Variants in HOXA11 observed in about 807,000 individuals in gnomAD.
The protein encoded by HOXA11 is homeobox protein Hox-A11.
In HOXA11, 8 loss-of-function variants were observed where a neutral mutation model predicts 22.5. The observed-to-expected ratio is 0.36, with a 90% CI of 0.21 to 0.64. The LOEUF is 0.64. Among genes scored for constraint, HOXA11 ranks in the 30% least tolerant of loss-of-function variants. HOXA11 has a pLI of 0.67. For synonymous variants in HOXA11, 211 were observed against 188.4 expected, an observed-to-expected ratio of 1.12 and a Z score of -0.98; for missense variants, 388 against 429.0, an observed-to-expected ratio of 0.90 and a Z score of 0.84.
chr7:27,184,393 A>G, intron 1 of HOXA11, 43 bp downstream of exon 1: 1 of 1,560,132 alleles, frequency 6.4e-7, no homozygotes, highest in East Asian at 2.4e-5. Flanking sequence ...CTAGATTTCC[A>G]ACTCCCCTTT....
chr7:27,184,524 T>G lies in HOXA11; in HGVS notation c.621A>C (p.Ala207=), dbSNP rs751863736. 6.6e-7 allele frequency: 1 copy of G among 1,510,834 alleles called. No homozygotes were observed. Among genetic ancestry groups the G allele is most frequent in the South Asian group, 1.2e-5 (1 of 80,472 alleles). The allele number at this position is 1,510,834 out of a possible 1,614,324, so 93.6% of individuals were successfully genotyped here. Residue 207 remains alanine (A), a synonymous_variant, in exon 1 of 2, where the codon GCA becomes GCC. Coordinates refer to ENST00000006015, the MANE Select transcript of HOXA11 (RefSeq NM_005523.6). ...GGCGCCGCCGCCGCTCTTTCTCCTCTGCTGCCGCCGCCGTCTCCCGGCAGC... is the reference window on the plus strand; with the variant it reads ...GGCGCCGCCGCCGCTCTTTCTCCTCGGCTGCCGCCGCCGTCTCCCGGCAGC... ...GGGCRETAAA[A]EEKERRRRPE... is the part of the protein sequence containing the mutation.
At chr7:27,184,330 T>A in intron 1 of HOXA11, 106 bp downstream of exon 1, 1 of 1,155,214 alleles carries the variant, frequency 8.7e-7, no homozygotes, top group Non-Finnish European at 1.2e-6. Context: ...AGGCCCTTCA[T>A]AAACCTTATA....
Position 27,182,883 on chromosome 7 carries a change from G to T in HOXA11, c.855C>A (p.Val285=), listed in dbSNP as rs763955016. 1 of 1,613,982 alleles carries T rather than the reference G, an allele frequency of 6.2e-7. No individual in the cohort carries two copies. The highest frequency in any genetic ancestry group is 8.5e-7 in the Non-Finnish European group (1 of 1,179,902). ...TTCTCCTGTTCTGAAACCAGATTTTGACTTGACGATCAGTGAGGTTGAGCA... is the reference window on the plus strand; with the variant it reads ...TTCTCCTGTTCTGAAACCAGATTTTTACTTGACGATCAGTGAGGTTGAGCA... ...SRMLNLTDRQ[V]KIWFQNRRMK... is the part of the protein sequence containing the mutation. The change falls in exon 2 of 2, where the codon GTC becomes GTA. Residue 285 remains valine (V), a synonymous_variant. Coordinates refer to ENST00000006015, the MANE Select transcript of HOXA11 (RefSeq NM_005523.6).
At position 27,185,115 on chromosome 7, in the gene HOXA11, G is replaced by A. The variant is rs945455154; in HGVS notation, c.30C>T (p.Ser10=). ...TACAACTTGGCAAATACATGTTAGA[G>A]GAGCAGGGACCACGCTCATCAAAAT... MDFDERGPC[S]SNMYLPSCTY... is the part of the protein sequence containing the mutation. Residue 10 remains serine, a synonymous_variant, in exon 1 of 2, where the codon TCC becomes TCT. Coordinates refer to ENST00000006015, the MANE Select transcript of HOXA11 (RefSeq NM_005523.6). The A allele has an allele frequency of 3.3e-5, 53 of 1,614,084 alleles. No homozygotes were observed. The highest frequency in any genetic ancestry group is 4.4e-5 in the Non-Finnish European group (52 of 1,179,982).
rs17427861 is a variant in HOXA11, at chr7:27,182,790, G to A, written c.*6C>T. 9.5e-3 allele frequency: 14,759 copies of A among 1,553,688 alleles called. 89 individuals are homozygous for A. The highest frequency in any genetic ancestry group is 0.029 in the Middle Eastern group (172 of 5,954). ...AGCCCCCCACCCAATTCCAGCCGCT[G>A]GAGTCTTAGAGGAGTGGATTTGCTG... On this transcript the variant is annotated 3_prime_UTR_variant, in exon 2 of 2. Transcript: ENST00000006015.
chr7:27,184,089 C>T (rs560588047), intron 1 of HOXA11, among the ~76,000 whole-genome samples: 2 of 152,312 alleles, frequency 1.3e-5, no homozygotes, highest in South Asian at 4.1e-4. Context: ...CAAAAGCTCC[C>T]GAAGCCCTTG....
In HOXA11 at chr7:27,181,452, C is replaced by A; in HGVS notation, c.*1344G>T. 5.1e-6 allele frequency: 1 copy of A among 197,378 alleles called. No homozygotes were observed. Among genetic ancestry groups the A allele is most frequent in the Admixed American group, 6.1e-5 (1 of 16,484 alleles). The allele number at this position is 197,378 out of a possible 1,614,324, so 12.2% of individuals were successfully genotyped here. A position where few individuals can be genotyped will look rare whatever the true frequency, so the allele number is the denominator to read the frequency against. ...TCAATACCTTTTCCACCCCCTCCAA[C>A]ACCCTAAAGGAAATCAACTAATGGC... On this transcript the variant is annotated 3_prime_UTR_variant, in exon 2 of 2. Transcript: ENST00000006015.
intron 1 of HOXA11, among the ~76,000 whole-genome samples, 192 bp downstream of exon 1, chr7:27,184,244 G>A (rs1783818791): frequency 6.6e-6 from 1 of 152,120 alleles, no homozygotes; most frequent in South Asian, 2.1e-4. Context: ...TTGGCCGGTG[G>A]GTATTTCACG....
At position 27,184,833 on chromosome 7, in the gene HOXA11, G is replaced by A; in HGVS notation, c.312C>T (p.Gly104=). 1 of 1,613,406 alleles carries A rather than the reference G, an allele frequency of 6.2e-7. No homozygotes were observed. Among genetic ancestry groups the A allele is most frequent in the Non-Finnish European group, 8.5e-7 (1 of 1,179,552 alleles). The change falls in exon 1 of 2, where the codon GGC becomes GGT. Residue 104 remains glycine (G), a synonymous_variant. Transcript: ENST00000006015. ...TGGCCGAGCTCTTGGCCAGCACGTC[G>A]CCAGGCACGCCGGCCGCGCTGGGCG... ...LQAPSAAGVP[G]DVLAKSSANV...
intron 1 of HOXA11, 34 bp from the exon 2 acceptor site, chr7:27,183,062 G>T: frequency 7.0e-7 from 1 of 1,438,636 alleles, no homozygotes; most frequent in Non-Finnish European, 9.8e-7. Context: ...GGTGAGCCAG[G>T]TGTGGGGGCT....
intron 1 of HOXA11, among the ~76,000 whole-genome samples, chr7:27,184,196 A>G (rs1157458923): frequency 1.3e-5 from 2 of 152,112 alleles, no homozygotes; most frequent in Non-Finnish European, 2.9e-5. Flanking sequence ...GAAGGGAAAA[A>G]AGGGAAAAGG....
Position 27,182,766 on chromosome 7 carries a change from G to GC in HOXA11, c.*29dup, listed in dbSNP as rs754825702. ...CTGCATATTATCTCATGTGTATGAA[G>GC]CCCCCCACCCAATTCCAGCCGCTGG... On this transcript the variant is annotated 3_prime_UTR_variant, in exon 2 of 2. Coordinates refer to ENST00000006015, the MANE Select transcript of HOXA11 (RefSeq NM_005523.6). 4.5e-6 allele frequency: 6 copies of GC among 1,339,280 alleles called. No homozygotes were observed. In the Admixed American group the frequency reaches 6.7e-5, roughly 15 times the overall value. The allele number at this position is 1,339,280 out of a possible 1,614,324, so 83.0% of individuals were successfully genotyped here. A position where few individuals can be genotyped will look rare whatever the true frequency, so the allele number is the denominator to read the frequency against.
chr7:27,183,394 C>T (rs1160761173), intron 1 of HOXA11, among the ~76,000 whole-genome samples: 1 of 152,244 alleles, frequency 6.6e-6, no homozygotes, highest in East Asian at 1.9e-4. Context: ...CAAACAGCCG[C>T]CTGCGGACAT....
In HOXA11 at chr7:27,184,661, C is replaced by A; in HGVS notation, c.484G>T (p.Asp162Tyr). The A allele has an allele frequency of 6.2e-7, 1 of 1,611,570 alleles. No individual in the cohort carries two copies. Residue 162 changes from aspartate (D) to tyrosine (Y), a missense_variant, in exon 1 of 2, where the codon GAC becomes TAC. Transcript: ENST00000006015. ...GGGGGCCCCTTCTCGGCGCTCTTGT[C>A]CCCGGGGTAGTCGGAGGAGGCGAGG... ...ENLASSDYPGDKSAEKGPPAA... is the reference protein window; with the variant it reads ...ENLASSDYPGYKSAEKGPPAA...
rs956345080 is a variant in HOXA11 at position 27,182,418 on chromosome 7, C to T, written c.*378G>A. ...GCACACAGCTTTTTTACTCAGGGGT[C>T]CTGGGGGTGGGTAGGCTCCCAGTAG... On this transcript the variant is annotated 3_prime_UTR_variant, in exon 2 of 2. Coordinates refer to ENST00000006015, the MANE Select transcript of HOXA11 (RefSeq NM_005523.6). The T allele has an allele frequency of 7.2e-6, 3 of 419,300 alleles. No homozygotes were observed. The highest frequency in any genetic ancestry group is 4.2e-5 in the East Asian group (1 of 24,074). The allele number at this position is 419,300 out of a possible 1,614,324, so 26.0% of individuals were successfully genotyped here.
At position 27,185,197 on chromosome 7, in the gene HOXA11, C is replaced by A; in HGVS notation, c.-53G>T. The A allele has an allele frequency of 6.2e-7, 1 of 1,612,080 alleles. No individual in the cohort carries two copies. The highest frequency in any genetic ancestry group is 8.5e-7 in the Non-Finnish European group (1 of 1,179,548). On this transcript the variant is annotated 5_prime_UTR_variant, in exon 1 of 2. Coordinates refer to ENST00000006015, the MANE Select transcript of HOXA11 (RefSeq NM_005523.6). ...TAGCCGAGCTTAACATGATTCTCCA[C>A]TGCAGCTGCCTCTTTGAAGCGGATC...
Position 27,182,662 on chromosome 7 carries a change from G to T in HOXA11, c.*134C>A. 1 of 727,908 alleles carries T rather than the reference G, an allele frequency of 1.4e-6. No individual in the cohort carries two copies. 45.1% of individuals were successfully genotyped at this position (727,908 alleles called of 1,614,324 possible). A position where few individuals can be genotyped will look rare whatever the true frequency, so the allele number is the denominator to read the frequency against. ...AGAGAGTCCCAGACCACCTCCTGTG[G>T]GGCTATCTCCATGCATCCCTCTCTT... On this transcript the variant is annotated 3_prime_UTR_variant, in exon 2 of 2. Transcript: ENST00000006015.
rs566606347 is a variant in HOXA11 at position 27,182,294 on chromosome 7, G to A, written c.*502C>T. 4.5e-5 allele frequency: 12 copies of A among 267,722 alleles called. No homozygotes were observed. The highest frequency in any genetic ancestry group is 1.1e-3 in the Middle Eastern group (1 of 882). The allele number at this position is 267,722 out of a possible 1,614,324, so 16.6% of individuals were successfully genotyped here. On this transcript the variant is annotated 3_prime_UTR_variant, in exon 2 of 2. Transcript: ENST00000006015. ...CTCAAAGCTACCTCCAAGTCCAGCC[G>A]CTGTTCACATTGGCTTTGGAAAGCA...
rs796868678 is a variant in HOXA11, at chr7:27,184,941, C to A, written c.204G>T (p.Glu68Asp). 1 of 1,612,798 alleles carries A rather than the reference C, an allele frequency of 6.2e-7. No homozygotes were observed. Among genetic ancestry groups the A allele is most frequent in the African/African-American group, 1.3e-5 (1 of 75,010 alleles). ...REVTFREYAI[E>D]PATKWHPRGN... The stretch of plus-strand genomic sequence containing the variant: ...CGCGGGGGTGCCATTTAGTGGCGGG[C>A]TCAATGGCGTACTCTCTGAAGGTCA... Residue 68 changes from glutamate to aspartate, a missense_variant, in exon 1 of 2, where the codon GAG (glutamate) becomes GAT (aspartate). By Grantham distance (45) the Glu-to-Asp change is conservative. Around this residue, in one of 4 missense-constraint regions of HOXA11, gnomAD observed 295 missense variants for 281.1 expected, o/e 1.05. Transcript: ENST00000006015.
Sources: gnomAD v4.1 joint callset for allele counts (sites outside exome capture counted in the v4.1 genomes callset) on GRCh38, gnomAD v4.1.1 for gene constraint, gnomAD v4.1.1 regional missense constraint, MANE v1.5 for transcripts, NCBI Gene and HGNC (gene_info 2026-07-23, HGNC 2026-07-21) for gene names.